The following DOCK3 variants were observed in gnomAD, a reference collection of about 807,000 sequenced individuals.
The protein encoded by DOCK3 is dedicator of cytokinesis protein 3.
In DOCK3, 60 loss-of-function variants were observed where a neutral mutation model predicts 265.6. The observed-to-expected ratio is 0.23, with a 90% CI of 0.18 to 0.28. The LOEUF (loss-of-function observed/expected upper bound fraction) is 0.28. Ranked by LOEUF, DOCK3 falls within the 10% of genes least tolerant of loss-of-function variation. The pLI is 1.00. For missense variants in DOCK3, 1,981 were observed against 2,594.3 expected (o/e 0.76, Z 5.14); for synonymous variants, 881 against 938.0 (o/e 0.94, Z 1.11).
intron 9 of DOCK3, among the ~76,000 whole-genome samples, chr3:51,139,463 C>T (rs747955673): frequency 1.3e-5 from 2 of 152,158 alleles, no homozygotes; most frequent in Admixed American, 6.5e-5. Flanking sequence ...GTGATGTACC[C>T]GTCCATTTCA....
intron 2 of DOCK3, among the ~76,000 whole-genome samples, chr3:50,791,048 C>A (rs570825831): frequency 6.6e-6 from 1 of 152,038 alleles, no homozygotes; most frequent in East Asian, 1.9e-4. Flanking sequence ...ATTTTTCTCC[C>A]ATTCTGTAGG....
At chr3:51,159,626 C>T (rs1576278704) in intron 11 of DOCK3, among the ~76,000 whole-genome samples, 1 of 152,160 alleles carries the variant, frequency 6.6e-6, no homozygotes, top group South Asian at 2.1e-4. Flanking sequence ...CCCTTTCCCT[C>T]AGAGATCTTA....
At chr3:50,850,678 A>G (rs1396634413) in intron 3 of DOCK3, among the ~76,000 whole-genome samples, 1 of 151,724 alleles carries the variant, frequency 6.6e-6, no homozygotes, top group Non-Finnish European at 1.5e-5. Context: ...TTTCCCTATG[A>G]TATTGTTTTG....
chr3:51,312,727 A>T, intron 30 of DOCK3, 117 bp from the exon 31 acceptor site: 1 of 1,279,244 alleles, frequency 7.8e-7, no homozygotes, highest in Non-Finnish European at 1.1e-6. Context: ...CCAAAGGCTT[A>T]GCGCATTGGG....
At chr3:51,226,014 GATTT>G (rs1413247824) in intron 15 of DOCK3, among the ~76,000 whole-genome samples, 2 of 152,168 alleles carry the variant, frequency 1.3e-5, no homozygotes, top group African/African-American at 4.8e-5. Context: ...CTCCAGTTTA[GATTT>G]ATTCCCTCTA....
intron 4 of DOCK3, among the ~76,000 whole-genome samples, chr3:50,931,193 T>C (rs576762514): frequency 2.0e-5 from 3 of 152,360 alleles, no homozygotes; most frequent in Admixed American, 2.0e-4. Context: ...TTATTTTCTC[T>C]ATACCACTTT....
At chr3:51,148,419 T>C (rs2085405187) in intron 10 of DOCK3, among the ~76,000 whole-genome samples, 1 of 152,242 alleles carries the variant, frequency 6.6e-6, no homozygotes, top group Non-Finnish European at 1.5e-5. Context: ...TCCTTGCCAA[T>C]GCCTATGTCC....
intron 12 of DOCK3, among the ~76,000 whole-genome samples, chr3:51,177,715 G>T (rs2087034301): frequency 6.6e-6 from 1 of 152,132 alleles, no homozygotes; most frequent in African/African-American, 2.4e-5. Context: ...TCTTGGCCAG[G>T]CGCAGTGGCT....
intron 2 of DOCK3, among the ~76,000 whole-genome samples, chr3:50,797,648 T>C (rs2042861175): frequency 6.6e-6 from 1 of 152,238 alleles, no homozygotes; most frequent in South Asian, 2.1e-4. Flanking sequence ...GCACAGCATA[T>C]AAGGGTTCTG....
At chr3:51,050,552 G>A (rs1468888856) in intron 5 of DOCK3, among the ~76,000 whole-genome samples, 2 of 152,172 alleles carry the variant, frequency 1.3e-5, no homozygotes, top group African/African-American at 4.8e-5. Flanking sequence ...ACTTATAGAG[G>A]GCAAGAAGTC....
intron 32 of DOCK3, among the ~76,000 whole-genome samples, chr3:51,323,860 C>T (rs1240310934): frequency 6.6e-6 from 1 of 152,102 alleles, no homozygotes; most frequent in African/African-American, 2.4e-5. Flanking sequence ...GAGATGGAGA[C>T]ACACAAAAAC....
chr3:50,879,151 A>G (rs956268250), intron 3 of DOCK3, among the ~76,000 whole-genome samples: 1 of 151,754 alleles, frequency 6.6e-6, no homozygotes, highest in Non-Finnish European at 1.5e-5. Context: ...AAAGGAACAA[A>G]TGGTACTAGC....
intron 19 of DOCK3, among the ~76,000 whole-genome samples, chr3:51,232,830 G>A (rs1008705621): frequency 6.6e-6 from 1 of 152,152 alleles, no homozygotes; most frequent in African/African-American, 2.4e-5. Flanking sequence ...AGGGTTGTCT[G>A]TTTACTCCAC....
chr3:50,781,214 AT>A, intron 2 of DOCK3, among the ~76,000 whole-genome samples: 1 of 151,672 alleles, frequency 6.6e-6, no homozygotes, highest in East Asian at 1.9e-4. Flanking sequence ...AAAAATAAAA[AT>A]AAAAAAAAAA....
At chr3:50,761,961 A>G (rs2040558870) in intron 1 of DOCK3, among the ~76,000 whole-genome samples, 1 of 152,208 alleles carries the variant, frequency 6.6e-6, no homozygotes, top group Non-Finnish European at 1.5e-5. Flanking sequence ...TTGTAGGGAC[A>G]TGGATGAAGC....
intron 21 of DOCK3, among the ~76,000 whole-genome samples, chr3:51,244,840 T>C (rs2078755187): frequency 6.6e-6 from 1 of 152,172 alleles, no homozygotes. Flanking sequence ...CAGACTATAG[T>C]TTGTTACATA....
chr3:51,333,082 G>A (rs574600520), intron 34 of DOCK3, 55 bp downstream of exon 34: 4 of 1,613,850 alleles, frequency 2.5e-6, no homozygotes, highest in East Asian at 2.2e-5. Flanking sequence ...AGCCTCCATG[G>A]GCTCTTGGAC....
intron 2 of DOCK3, among the ~76,000 whole-genome samples, chr3:50,795,719 G>A (rs185728836): frequency 7.1e-4 from 108 of 152,210 alleles, no homozygotes; most frequent in Admixed American, 1.6e-3. Context: ...TTTTCTGACT[G>A]TTTTATTTCA....
At chr3:51,110,556 A>C (rs4390967) in intron 9 of DOCK3, among the ~76,000 whole-genome samples, 137,179 of 152,230 alleles carry the variant, frequency 0.9, 62,004 homozygotes, top group African/African-American at 0.95. Context: ...AAATGTGATT[A>C]AACACATAAA....
Sources: gnomAD v4.1 joint callset for allele counts (sites outside exome capture counted in the v4.1 genomes callset) on GRCh38, gnomAD v4.1.1 for gene constraint, MANE v1.5 for transcripts, NCBI Gene and HGNC (gene_info 2026-07-23, HGNC 2026-07-21) for gene names.